The following TRAPPC9 variants were observed in gnomAD, a reference collection of about 807,000 sequenced individuals.
TRAPPC9 encodes the protein IKK2 binding protein.
TRAPPC9 carries 83 observed loss-of-function variants against 124.0 expected under a neutral mutation model. That is an observed-to-expected ratio of 0.67 (90% CI 0.56 to 0.80). The LOEUF (loss-of-function observed/expected upper bound fraction) is 0.80. TRAPPC9 is among the 30% of genes least tolerant of loss of function. The probability of loss-of-function intolerance (pLI) is 0.00; values close to 1 mark genes in which losing one functional copy is unlikely to be tolerated. For missense variants in TRAPPC9, 1,302 were observed against 1,508.3 expected (o/e 0.86, Z 2.27); for synonymous variants, 638 against 617.5 (o/e 1.03, Z -0.49).
intron 17 of TRAPPC9, among the ~76,000 whole-genome samples, chr8:140,146,361 G>A (rs1184772768): frequency 6.6e-6 from 1 of 152,272 alleles, no homozygotes; most frequent in Non-Finnish European, 1.5e-5. Flanking sequence ...GGCCACAGCA[G>A]ACACCTATCT....
chr8:139,933,254 T>C (rs1218215494), intron 19 of TRAPPC9: 1 of 152,380 alleles, frequency 6.6e-6, no homozygotes, highest in African/African-American at 2.4e-5. Flanking sequence ...AGATCTCTTC[T>C]AACATTTAAG....
At chr8:139,956,353 G>A (rs1834983955) in intron 19 of TRAPPC9, among the ~76,000 whole-genome samples, 2 of 152,040 alleles carry the variant, frequency 1.3e-5, no homozygotes, top group South Asian at 4.1e-4. Context: ...AGTAGAGACG[G>A]GGTTTCACTA....
At chr8:139,842,902 T>C (rs1826834587) in intron 21 of TRAPPC9, among the ~76,000 whole-genome samples, 1 of 152,174 alleles carries the variant, frequency 6.6e-6, no homozygotes, top group Admixed American at 6.5e-5. Context: ...CTTAAGCAGA[T>C]TTTCATCGCA....
intron 17 of TRAPPC9, among the ~76,000 whole-genome samples, chr8:140,176,824 A>G (rs1043884287): frequency 1.3e-5 from 2 of 152,212 alleles, no homozygotes; most frequent in Non-Finnish European, 2.9e-5. Context: ...TGCTTGCAAT[A>G]ATCACTCTTT....
intron 16 of TRAPPC9, among the ~76,000 whole-genome samples, chr8:140,250,176 C>A (rs2064098356): frequency 6.6e-6 from 1 of 152,126 alleles, no homozygotes; most frequent in Non-Finnish European, 1.5e-5. Context: ...ATGGGAATTA[C>A]AACATTTACT....
intron 20 of TRAPPC9, among the ~76,000 whole-genome samples, chr8:139,886,295 T>C (rs1037601017): frequency 6.6e-6 from 1 of 152,240 alleles, no homozygotes; most frequent in Admixed American, 6.5e-5. Context: ...AGGTTATTTT[T>C]CCTTAATAAA....
At chr8:140,400,334 A>T (rs1020956371) in intron 6 of TRAPPC9, among the ~76,000 whole-genome samples, 2 of 152,250 alleles carry the variant, frequency 1.3e-5, no homozygotes, top group Non-Finnish European at 2.9e-5. Context: ...CATTAAAATA[A>T]TATGACCACA....
chr8:140,262,991 T>G (rs2064481611), intron 15 of TRAPPC9, among the ~76,000 whole-genome samples: 1 of 152,124 alleles, frequency 6.6e-6, no homozygotes, highest in Non-Finnish European at 1.5e-5. Flanking sequence ...CATAAAAGTG[T>G]GTTCAAAGAC....
At chr8:140,052,268 T>C (rs1431737849) in intron 17 of TRAPPC9, among the ~76,000 whole-genome samples, 2 of 152,110 alleles carry the variant, frequency 1.3e-5, no homozygotes, top group Non-Finnish European at 2.9e-5. Flanking sequence ...CAGTCCTTTC[T>C]CTTAATTGGA....
intron 17 of TRAPPC9, among the ~76,000 whole-genome samples, chr8:140,151,174 C>A (rs957268335): frequency 1.3e-5 from 2 of 152,128 alleles, no homozygotes; most frequent in East Asian, 3.9e-4. Flanking sequence ...GGGCCAGGAG[C>A]ACAACTCAGC....
At chr8:140,371,533 C>T (rs2068281584) in intron 7 of TRAPPC9, among the ~76,000 whole-genome samples, 1 of 152,224 alleles carries the variant, frequency 6.6e-6, no homozygotes, top group Admixed American at 6.5e-5. Flanking sequence ...TCATCAAACA[C>T]AAAAATTCTT....
At chr8:140,371,287 G>A (rs1038097921) in intron 7 of TRAPPC9, 107 bp from the exon 8 acceptor site, 50 of 1,200,168 alleles carry the variant, frequency 4.2e-5, no homozygotes, top group Admixed American at 6.0e-5. Context: ...GAGGAGAATC[G>A]AGGAGAATCA....
intron 17 of TRAPPC9, among the ~76,000 whole-genome samples, chr8:140,211,009 A>T (rs577503465): frequency 6.6e-6 from 1 of 150,910 alleles, no homozygotes; most frequent in Admixed American, 6.6e-5. Context: ...TGTATATCCT[A>T]GGGTTTTTTT....
chr8:139,859,985 T>A (rs1243741565), intron 21 of TRAPPC9, among the ~76,000 whole-genome samples: 1 of 152,228 alleles, frequency 6.6e-6, no homozygotes, highest in East Asian at 1.9e-4. Context: ...GGTACAACTT[T>A]ATACGCTTTG....
chr8:140,051,576 CTTTT>C (rs1197128988), intron 17 of TRAPPC9, among the ~76,000 whole-genome samples: 14 of 88,020 alleles, frequency 1.6e-4, no homozygotes, highest in South Asian at 8.4e-4. Context: ...ATTGTTCATT[CTTTT>C]TTTTTTTTTT....
At chr8:139,981,161 A>T (rs939312194) in intron 19 of TRAPPC9, among the ~76,000 whole-genome samples, 4 of 152,222 alleles carry the variant, frequency 2.6e-5, no homozygotes, top group African/African-American at 9.6e-5. Flanking sequence ...TCCCAGAGCC[A>T]TCTGGGTTTG....
At chr8:140,159,383 T>C (rs2061707326) in intron 17 of TRAPPC9, among the ~76,000 whole-genome samples, 1 of 152,054 alleles carries the variant, frequency 6.6e-6, no homozygotes, top group Admixed American at 6.6e-5. Flanking sequence ...GAGGTAATTG[T>C]TGAATTATTG....
At chr8:140,004,704 G>C (rs959232881) in intron 18 of TRAPPC9, among the ~76,000 whole-genome samples, 1 of 152,134 alleles carries the variant, frequency 6.6e-6, no homozygotes, top group Admixed American at 6.5e-5. Context: ...TATCGACTCA[G>C]CTAAAAATGA....
chr8:139,759,296 G>A (rs1018253160), intron 21 of TRAPPC9, among the ~76,000 whole-genome samples: 2 of 152,126 alleles, frequency 1.3e-5, no homozygotes, highest in African/African-American at 2.4e-5. Flanking sequence ...AATACCTGCC[G>A]CTCACTGAGT....
Sources: allele counts gnomAD v4.1 joint callset (sites outside exome capture counted in the v4.1 genomes callset), GRCh38; gene constraint gnomAD v4.1.1; transcripts MANE v1.5; gene names NCBI Gene and HGNC (gene_info 2026-07-23, HGNC 2026-07-21).